Variants in DENND2B observed in about 807,000 individuals in gnomAD.
The protein encoded by DENND2B is DENN domain containing 2B, also known as DENN domain-containing protein 2B.
A neutral mutation model predicts 116.0 loss-of-function variants in DENND2B; 32 were observed. The ratio of observed to expected loss-of-function variants is 0.28; its 90% CI spans 0.21 to 0.37. The LOEUF (loss-of-function observed/expected upper bound fraction) is 0.37. Among genes scored for constraint, DENND2B ranks in the 10% least tolerant of loss-of-function variants. The pLI is 1.00. For missense variants in DENND2B, 1,276 were observed against 1,477.7 expected (o/e 0.86, Z 2.24); for synonymous variants, 588 against 583.9 (o/e 1.01, Z -0.10).
intron 2 of DENND2B, among the ~76,000 whole-genome samples, chr11:8,737,665 TTC>T (rs987776223): frequency 1.6e-5 from 2 of 125,660 alleles, no homozygotes; most frequent in Non-Finnish European, 3.8e-5. Flanking sequence ...CTCTCTCTTT[TTC>T]TTTCTTTCTC....
chr11:8,716,273 C>A (rs1227695029), intron 5 of DENND2B, among the ~76,000 whole-genome samples: 1 of 152,196 alleles, frequency 6.6e-6, no homozygotes, highest in Non-Finnish European at 1.5e-5. Context: ...TGCAGCCTGG[C>A]CCTCCTAACT....
intron 8 of DENND2B, among the ~76,000 whole-genome samples, chr11:8,713,313 A>T (rs1004096883): frequency 6.6e-6 from 1 of 152,152 alleles, no homozygotes. Flanking sequence ...CAGTTTCCTC[A>T]GTCTACGGCA....
intron 1 of DENND2B, among the ~76,000 whole-genome samples, chr11:8,779,528 T>C (rs2058141729): frequency 6.6e-6 from 1 of 150,420 alleles, no homozygotes; most frequent in Non-Finnish European, 1.5e-5. Flanking sequence ...TTTTTTTTTT[T>C]TGAGACGAAG....
chr11:8,699,206 G>A lies in DENND2B; in HGVS notation c.2898+7C>T. 6.4e-7 allele frequency: 1 copy of A among 1,551,788 alleles called. No individual in the cohort carries two copies. Among genetic ancestry groups the A allele is most frequent in the Non-Finnish European group, 8.7e-7 (1 of 1,154,364 alleles). ...CTTCCCCCCAGCTGGTTCCCCCGGT[G>A]GCCCACCTCCTCCACAGGCAGCTCC... On this transcript the variant is annotated splice_region_variant and intron_variant, in intron 15 of 19. Coordinates refer to ENST00000313726, the MANE Select transcript of DENND2B (RefSeq NM_213618.2).
Position 8,730,355 on chromosome 11 carries a change from C to A in DENND2B, c.935G>T (p.Arg312Leu), listed in dbSNP as rs200023000. The A allele has an allele frequency of 6.2e-6, 10 of 1,600,852 alleles. No individual in the cohort carries two copies. The highest frequency in any genetic ancestry group is 1.7e-5 in the Admixed American group (1 of 59,350). Residue 312 changes from arginine (R) to leucine (L), a missense_variant, in exon 3 of 20, where the codon CGG (arginine) becomes CTG (leucine). Coordinates refer to ENST00000313726, the MANE Select transcript of DENND2B (RefSeq NM_213618.2). This position sits in a 1 kb window ranked among gnomAD's most constrained non-coding sequence, Gnocchi z 4.1. ...QLPSSCYSVD[R>L]GKRKTGTLGS... ...CAAGGTTCCAGTCTTCCTTTTCCCC[C>A]GGTCCACGCTGTAGCAGCTGCTGGG...
chr11:8,787,467 T>C (rs1433436601), intron 1 of DENND2B, among the ~76,000 whole-genome samples: 2 of 152,182 alleles, frequency 1.3e-5, no homozygotes, highest in African/African-American at 4.8e-5. Context: ...CATGCCATCA[T>C]GCCAGGCCAG....
At chr11:8,714,269 C>A (rs2044315865) in intron 7 of DENND2B, among the ~76,000 whole-genome samples, 1 of 152,220 alleles carries the variant, frequency 6.6e-6, no homozygotes, top group African/African-American at 2.4e-5. Context: ...AAGCTGAGGG[C>A]CTGAGTTGGA....
intron 2 of DENND2B, among the ~76,000 whole-genome samples, chr11:8,863,782 T>A (rs2063487419): frequency 6.6e-6 from 1 of 152,214 alleles, no homozygotes; most frequent in Non-Finnish European, 1.5e-5. Flanking sequence ...GGTATCTATG[T>A]ACAGATTCGA....
chr11:8,863,560 C>T (rs866311809), intron 2 of DENND2B, among the ~76,000 whole-genome samples: 19 of 152,182 alleles, frequency 1.2e-4, no homozygotes, highest in Middle Eastern at 3.4e-3. Context: ...CCTATGCAAA[C>T]ACTGTGGTCC....
At chr11:8,851,664 G>C (rs1033631557) in intron 3 of DENND2B, among the ~76,000 whole-genome samples, 1 of 152,124 alleles carries the variant, frequency 6.6e-6, no homozygotes, top group Non-Finnish European at 1.5e-5. Flanking sequence ...TCAAGGAACT[G>C]CACTAAAATA....
chr11:8,807,229 G>A (rs1266959490), intron 1 of DENND2B, among the ~76,000 whole-genome samples: 1 of 152,224 alleles, frequency 6.6e-6, no homozygotes, highest in African/African-American at 2.4e-5. Flanking sequence ...TAACAGCTAA[G>A]AGGAGTGACA....
intron 1 of DENND2B, chr11:8,909,666 T>C (rs2064289615): frequency 6.6e-6 from 1 of 152,192 alleles, no homozygotes; most frequent in South Asian, 2.1e-4. Flanking sequence ...TCACTGTTAT[T>C]CTTTTTTATA....
chr11:8,828,431 T>C (rs142661137), intron 4 of DENND2B, among the ~76,000 whole-genome samples: 103 of 152,222 alleles, frequency 6.8e-4, no homozygotes, highest in African/African-American at 2.3e-3. Flanking sequence ...GGGGCTCCAA[T>C]GCAGCTGTAT....
intron 16 of DENND2B, 29 bp from the exon 17 acceptor site, chr11:8,697,665 T>C (rs767464416): frequency 6.7e-7 from 1 of 1,487,022 alleles, no homozygotes; most frequent in Non-Finnish European, 9.4e-7. Context: ...ACAGTGACAA[T>C]CATAGCTGAC....
At chr11:8,828,447 G>A (rs2062063386) in intron 4 of DENND2B, among the ~76,000 whole-genome samples, 1 of 152,108 alleles carries the variant, frequency 6.6e-6, no homozygotes, top group Non-Finnish European at 1.5e-5. Context: ...TGTATCTGCG[G>A]GGAAGCTGGG....
intron 2 of DENND2B, among the ~76,000 whole-genome samples, chr11:8,869,340 CT>C (rs1459268714): frequency 6.6e-6 from 1 of 152,176 alleles, no homozygotes; most frequent in Non-Finnish European, 1.5e-5. Context: ...TTTCTTCCCC[CT>C]ATCTTGGGGA....
At chr11:8,704,396 G>A (rs915248860) in intron 13 of DENND2B, among the ~76,000 whole-genome samples, 6 of 152,230 alleles carry the variant, frequency 3.9e-5, no homozygotes, top group East Asian at 1.9e-4. Flanking sequence ...GTCAGAAGAC[G>A]AGAGCCCAGT....
Position 8,709,673 on chromosome 11 carries a change from G to A in DENND2B, c.2352+1172C>T, listed in dbSNP as rs563431455. 7.2e-5 allele frequency among the ~76,000 whole-genome samples: 11 copies of A among 152,276 alleles called. No homozygotes were observed. In the South Asian group the frequency reaches 1.0e-3, roughly 14 times the overall value. On this transcript the variant is annotated intron_variant, in intron 11 of 19. Transcript: ENST00000313726. ...CCAAGAGTACAAATTGGTGACAAACGACTTCCCTTCTGGTTCTGTATGACC... is the reference window on the plus strand; with the variant it reads ...CCAAGAGTACAAATTGGTGACAAACAACTTCCCTTCTGGTTCTGTATGACC...
At chr11:8,719,157 G>A (rs1032037648) in intron 4 of DENND2B, 2 of 985,690 alleles carry the variant, frequency 2.0e-6, no homozygotes, top group Non-Finnish European at 2.4e-6. Flanking sequence ...GGAGCTGGAG[G>A]ACGAGGAACA....
Sources: gnomAD v4.1 joint callset for allele counts (sites outside exome capture counted in the v4.1 genomes callset) on GRCh38, gnomAD v4.1.1 for gene constraint, Gnocchi (gnomAD v3.1) non-coding constraint, MANE v1.5 for transcripts, NCBI Gene and HGNC (gene_info 2026-07-23, HGNC 2026-07-21) for gene names.